Variants in LTBP1 observed in about 807,000 individuals in gnomAD.
LTBP1 encodes latent transforming growth factor beta binding protein 1.
In LTBP1, 129 loss-of-function variants were observed where a neutral mutation model predicts 207.6. That is an observed-to-expected ratio of 0.62 (90% confidence interval 0.54 to 0.72). LTBP1 has a LOEUF of 0.72. Ranked by LOEUF, LTBP1 falls within the 30% of genes least tolerant of loss-of-function variation. LTBP1 has a pLI of 0.00. For synonymous variants in LTBP1, 963 were observed against 833.7 expected (o/e 1.16, Z -2.67); for missense variants, 2,281 against 2,217.2 (o/e 1.03, Z -0.58).
At chr2:33,340,528 G>A (rs145723995) in intron 24 of LTBP1, among the ~76,000 whole-genome samples, 1 of 152,300 alleles carries the variant, frequency 6.6e-6, no homozygotes, top group East Asian at 1.9e-4. Context: ...CAAGGAGTGG[G>A]CATTCAGCCA....
At position 33,168,623 on chromosome 2, in the gene LTBP1, G is replaced by A. The variant is rs1572948930; in HGVS notation, c.1202-18233G>A. ...CCTCTAAAACTAGTTTTCCCTGGGT[G>A]TTTTTGTGTTACATGGAGATTTAAA... On this transcript the variant is annotated intron_variant, in intron 5 of 33. Coordinates refer to ENST00000404816, the MANE Select transcript of LTBP1 (RefSeq NM_206943.4). Among the ~76,000 whole-genome samples, 3 of 151,924 alleles carry A rather than the reference G, an allele frequency of 2.0e-5. 1 individual carries two copies. The highest frequency in any genetic ancestry group is 2.0e-4 in the Admixed American group (3 of 15,258).
At chr2:33,113,887 A>G (rs2080560596) in intron 4 of LTBP1, among the ~76,000 whole-genome samples, 1 of 152,142 alleles carries the variant, frequency 6.6e-6, no homozygotes, top group South Asian at 2.1e-4. Flanking sequence ...ATTATGAATA[A>G]TGGAGTGCAG....
chr2:33,139,010 T>C (rs1002174325), intron 5 of LTBP1, among the ~76,000 whole-genome samples: 55 of 149,562 alleles, frequency 3.7e-4, no homozygotes, highest in Admixed American at 1.1e-3. Flanking sequence ...AGGCGCCCGC[T>C]ACCACGCCCG....
chr2:33,276,010 C>G (rs898602411), intron 18 of LTBP1, 87 bp downstream of exon 18: 1 of 1,473,798 alleles, frequency 6.8e-7, no homozygotes, highest in South Asian at 1.4e-5. Context: ...CCTTCCCACA[C>G]TCAGTGCGTG....
In LTBP1 at chr2:33,275,833, G is replaced by A. The variant is rs761010050; in HGVS notation, c.2902G>A (p.Gly968Arg). Residue 968 changes from glycine (G) to arginine (R), a missense_variant, in exon 18 of 34, where the codon GGG (glycine) becomes AGG (arginine). By Grantham distance (125) the Gly-to-Arg change is moderately radical. This residue lies in a region of LTBP1 where 1,671 missense variants were observed against 1,634.8 expected (regional missense o/e 1.02). Coordinates refer to ENST00000404816, the MANE Select transcript of LTBP1 (RefSeq NM_206943.4). ...CGAATGCCTGAGGCCGGACGTCTGT[G>A]GGGAGGGGCACTGTGTCAATACTGT... ...VDECLRPDVC[G>R]EGHCVNTVGA... The A allele has an allele frequency of 2.5e-6, 4 of 1,613,952 alleles. No homozygotes were observed. The highest frequency in any genetic ancestry group is 8.5e-7 in the Non-Finnish European group (1 of 1,179,944).
chr2:33,297,495 G>A lies in LTBP1; in HGVS notation c.3236-2956G>A, dbSNP rs542892556. On this transcript the variant is annotated intron_variant, in intron 20 of 33. Coordinates refer to ENST00000404816, the MANE Select transcript of LTBP1 (RefSeq NM_206943.4). ...CGCCCAGGCTGGAGTGCAGTGGTGC[G>A]ATCTCGGCGCACTGCAACCTCTGCC... Among the ~76,000 whole-genome samples the A allele has an allele frequency of 3.2e-3, 492 of 151,702 alleles. 4 individuals carry two copies. Among genetic ancestry groups the A allele is most frequent in the African/African-American group, 0.011 (472 of 41,318 alleles).
At chr2:33,366,080 A>G (rs2094983534) in intron 31 of LTBP1, among the ~76,000 whole-genome samples, 1 of 152,180 alleles carries the variant, frequency 6.6e-6, no homozygotes, top group Non-Finnish European at 1.5e-5. Context: ...GAGACAGGCT[A>G]AGCTCCCAGT....
At chr2:33,336,995 T>A (rs2094560615) in intron 24 of LTBP1, among the ~76,000 whole-genome samples, 1 of 152,336 alleles carries the variant, frequency 6.6e-6, no homozygotes, top group Non-Finnish European at 1.5e-5. Flanking sequence ...AATTTTTGTG[T>A]TGAGTTCTTA....
intron 10 of LTBP1, among the ~76,000 whole-genome samples, chr2:33,246,318 G>A (rs1006475377): frequency 6.6e-6 from 1 of 152,176 alleles, no homozygotes; most frequent in Non-Finnish European, 1.5e-5. Flanking sequence ...TGATTTTCAG[G>A]TGAATTCTGT....
rs550823898 is a variant in LTBP1, at chr2:33,115,507, A to G, written c.1033+4756A>G. On this transcript the variant is annotated intron_variant, in intron 4 of 33. Transcript: ENST00000404816. ...GGGTGAATTCTGTGGCATGTGAATC[A>G]TATCTCAATTTAAAATAACAAATAT... Among the ~76,000 whole-genome samples, 25 of 152,042 alleles carry G rather than the reference A, an allele frequency of 1.6e-4. No individual in the cohort carries two copies. In the South Asian group the frequency reaches 3.1e-3, roughly 19 times the overall value.
intron 4 of LTBP1, among the ~76,000 whole-genome samples, chr2:33,114,553 G>C (rs1270014193): frequency 6.6e-6 from 1 of 152,102 alleles, no homozygotes; most frequent in East Asian, 1.9e-4. Context: ...TTCATTCTCA[G>C]TGTCCCCACC....
rs145070818 is a variant in LTBP1 at position 33,255,486 on chromosome 2, A to G, written c.2168-1798A>G. ...ACCCAGCCATCCCATTACTGGATAT[A>G]TACCCAAATGACTATAAATCATGCT... is the stretch of plus-strand genomic sequence containing the variant. On this transcript the variant is annotated intron_variant, in intron 11 of 33. Coordinates refer to ENST00000404816, the MANE Select transcript of LTBP1 (RefSeq NM_206943.4). Among the ~76,000 whole-genome samples the G allele has an allele frequency of 5.4e-3, 821 of 152,282 alleles. 6 individuals carry two copies. The highest frequency in any genetic ancestry group is 0.019 in the African/African-American group (798 of 41,548).
chr2:33,056,503 T>C, intron 3 of LTBP1: 1 of 754,058 alleles, frequency 1.3e-6, no homozygotes, highest in Non-Finnish European at 2.1e-6. Flanking sequence ...GTCTTCTTCT[T>C]GTCCCTTCGT....
At chr2:33,381,821 G>T (rs2095217925) in intron 31 of LTBP1, among the ~76,000 whole-genome samples, 1 of 152,144 alleles carries the variant, frequency 6.6e-6, no homozygotes, top group African/African-American at 2.4e-5. Context: ...TGGTTTGGCA[G>T]ATAGACCACT....
chr2:32,965,775 C>G (rs891577535), intron 2 of LTBP1, among the ~76,000 whole-genome samples: 6 of 152,188 alleles, frequency 3.9e-5, no homozygotes, highest in African/African-American at 1.4e-4. Context: ...ATGAATAGAG[C>G]TGCTGTAAAC....
chr2:33,280,348 G>A (rs557985251), intron 19 of LTBP1, among the ~76,000 whole-genome samples, 190 bp downstream of exon 19: 3 of 152,232 alleles, frequency 2.0e-5, no homozygotes, highest in South Asian at 4.1e-4. Flanking sequence ...AAGGATGTAA[G>A]ATTCTCGATG....
intron 3 of LTBP1, among the ~76,000 whole-genome samples, chr2:33,045,352 A>G (rs994300009): frequency 6.6e-6 from 1 of 152,140 alleles, no homozygotes; most frequent in African/African-American, 2.4e-5. Flanking sequence ...TTTTCCCAAC[A>G]CTATTTATTA....
At chr2:33,355,582 A>G (rs1303569014) in intron 26 of LTBP1, among the ~76,000 whole-genome samples, 1 of 152,188 alleles carries the variant, frequency 6.6e-6, no homozygotes, top group African/African-American at 2.4e-5. Context: ...CCATGGATAC[A>G]GAGGGCTGGG....
chr2:33,217,312 A>G (rs1231351266), intron 7 of LTBP1, among the ~76,000 whole-genome samples: 1 of 152,264 alleles, frequency 6.6e-6, no homozygotes, highest in Non-Finnish European at 1.5e-5. Flanking sequence ...GAGCAGTGAC[A>G]GATTTTCTTA....
Sources: allele counts gnomAD v4.1 joint callset (sites outside exome capture counted in the v4.1 genomes callset), GRCh38; gene constraint gnomAD v4.1.1; regional missense constraint gnomAD v4.1.1; transcripts MANE v1.5; gene names NCBI Gene and HGNC (gene_info 2026-07-23, HGNC 2026-07-21).